MYCBPAP: variants seen among roughly 807,000 people sequenced by gnomAD.
MYCBPAP encodes MYCBP associated protein, also known as MYCBP-associated protein.
Under a neutral mutation model 106.1 loss-of-function variants are expected in MYCBPAP, and 60 were observed. That is an observed-to-expected ratio of 0.57 (90% CI 0.46 to 0.70). MYCBPAP has a LOEUF of 0.70. Ranked by LOEUF, MYCBPAP falls within the 30% of genes least tolerant of loss-of-function variation. The pLI is 0.00. For synonymous variants in MYCBPAP, 407 were observed against 440.6 expected (o/e 0.92, Z 0.95); for missense variants, 1,064 against 1,169.3 (o/e 0.91, Z 1.31).
At chr17:50,529,731 G>A (rs761072304) in intron 18 of MYCBPAP, 1 of 456,238 alleles carries the variant, frequency 2.2e-6, no homozygotes, top group Non-Finnish European at 4.4e-6. Flanking sequence ...GAACAGAGAG[G>A]AAGGAAGCCC....
chr17:50,509,058 C>G (rs1229117779), intron 1 of MYCBPAP: 1 of 702,762 alleles, frequency 1.4e-6, no homozygotes, highest in Non-Finnish European at 2.6e-6. Flanking sequence ...ATGCAGGAGG[C>G]AGGATCCCCG....
At chr17:50,521,252 A>C in intron 8 of MYCBPAP, 27 bp downstream of exon 8, 1 of 1,601,814 alleles carries the variant, frequency 6.2e-7, no homozygotes. Flanking sequence ...TGCCCCAGTC[A>C]GAAGCCCCTT....
Position 50,519,214 on chromosome 17 carries a change from T to G in MYCBPAP, c.768+125T>G. ...AGCTGGGGAGAAAAAACCTATCCAT[T>G]GCAAAACATCATTAGGCCCTCAAGG... On this transcript the variant is annotated intron_variant, in intron 6 of 18. Transcript: ENST00000323776. 5 of 656,906 alleles carry G rather than the reference T, an allele frequency of 7.6e-6. No individual in the cohort carries two copies. In the East Asian group the frequency reaches 1.4e-4, roughly 18 times the overall value. The allele number at this position is 656,906 out of a possible 1,614,324, so 40.7% of individuals were successfully genotyped here.
At position 50,521,234 on chromosome 17, in the gene MYCBPAP, G is replaced by A. The variant is rs1238925806; in HGVS notation, c.1032+9G>A. 1.9e-6 allele frequency: 3 copies of A among 1,607,772 alleles called. No individual in the cohort carries two copies. Among genetic ancestry groups the A allele is most frequent in the East Asian group, 2.2e-5 (1 of 44,788 alleles). On this transcript the variant is annotated intron_variant, in intron 8 of 18. Coordinates refer to ENST00000323776, the MANE Select transcript of MYCBPAP (RefSeq NM_032133.6). ...TGGATTTCAGCCAGCAGGTTGGTAT[G>A]GCCTCCATGCCCCAGTCAGAAGCCC... is the stretch of plus-strand genomic sequence containing the variant.
chr17:50,521,931 GT>G, intron 9 of MYCBPAP, 41 bp from the exon 10 acceptor site: 1 of 1,580,978 alleles, frequency 6.3e-7, no homozygotes, highest in Non-Finnish European at 8.7e-7. Flanking sequence ...TGGCATGACT[GT>G]GGCAGCCTAA....
chr17:50,523,099 T>G lies in MYCBPAP; in HGVS notation c.1418T>G (p.Met473Arg). 1 of 1,613,920 alleles carries G rather than the reference T, an allele frequency of 6.2e-7. No homozygotes were observed. The highest frequency in any genetic ancestry group is 1.1e-5 in the South Asian group (1 of 91,074). Residue 473 changes from methionine to arginine, a missense_variant, in exon 11 of 19, where the codon ATG becomes AGG. Met to Arg is a moderately conservative substitution (Grantham distance 91). Coordinates refer to ENST00000323776, the MANE Select transcript of MYCBPAP (RefSeq NM_032133.6). ...TTCCAAGACCTTAAGAAAAACAGGA[T>G]GCAGCGATTTTACTTTGACAACCGG... ...DTFQDLKKNRMQRFYFDNREG... is the reference protein window; with the variant it reads ...DTFQDLKKNRRQRFYFDNREG...
Position 50,518,706 on chromosome 17 carries a change from C to A in MYCBPAP, c.634C>A (p.Gln212Lys). The change falls in exon 5 of 19, where the codon CAG becomes AAG. Residue 212 changes from glutamine (Q) to lysine (K), a missense_variant. Coordinates refer to ENST00000323776, the MANE Select transcript of MYCBPAP (RefSeq NM_032133.6). ...GCGTAACACAGCCCTGCGGAAGAAGCAGCAGGAAGCCCTCAGCGGTGAGCA... is the reference window on the plus strand; with the variant it reads ...GCGTAACACAGCCCTGCGGAAGAAGAAGCAGGAAGCCCTCAGCGGTGAGCA... ...WQRNTALRKK[Q>K]QEALSEHLKK... The A allele has an allele frequency of 6.3e-7, 1 of 1,588,238 alleles. No homozygotes were observed. The highest frequency in any genetic ancestry group is 1.2e-5 in the South Asian group (1 of 86,932).
chr17:50,523,736 G>A lies in MYCBPAP; in HGVS notation c.1587G>A (p.Ala529=), dbSNP rs185427133. Reference sequence around the variant, plus strand: ...CTATACTGCAGGTCAATCTCCACGCGGTCTCCCTGACCCAGGACGTTTTTG... The same window carrying A: ...CTATACTGCAGGTCAATCTCCACGCAGTCTCCCTGACCCAGGACGTTTTTG... The part of the protein sequence containing the change: ...GGAILQVNLH[A]VSLTQDVFED... Residue 529 remains alanine (A), a synonymous_variant, in exon 12 of 19, where the codon GCG becomes GCA. Transcript: ENST00000323776. 41 of 1,614,108 alleles carry A rather than the reference G, an allele frequency of 2.5e-5. No individual in the cohort carries two copies. In the East Asian group the frequency reaches 4.2e-4, roughly 17 times the overall value.
intron 1 of MYCBPAP, among the ~76,000 whole-genome samples, chr17:50,511,427 C>T (rs972979991): frequency 2.6e-4 from 39 of 152,070 alleles, no homozygotes; most frequent in Non-Finnish European, 1.0e-4. Context: ...ACAGCCCCTC[C>T]ATGGTTCCCC....
intron 7 of MYCBPAP, chr17:50,520,867 G>A (rs1168621187): frequency 2.1e-6 from 1 of 482,206 alleles, no homozygotes; most frequent in Non-Finnish European, 3.8e-6. Context: ...GGTAGCTGCT[G>A]TTATTATTTT....
chr17:50,516,825 A>G (rs2034070824), intron 2 of MYCBPAP, 128 bp downstream of exon 2: 2 of 1,007,064 alleles, frequency 2.0e-6, no homozygotes. Context: ...CCCACTGAAC[A>G]CAGATTCTTT....
At chr17:50,510,441 G>A (rs1240569352) in intron 1 of MYCBPAP, 6 of 139,330 alleles carry the variant, frequency 4.3e-5, no homozygotes, top group Non-Finnish European at 7.7e-5. Context: ...ATATATGTAT[G>A]TATTTTATAT....
chr17:50,518,709 C>T lies in MYCBPAP; in HGVS notation c.637C>T (p.Gln213Ter). ...TAACACAGCCCTGCGGAAGAAGCAG[C>T]AGGAAGCCCTCAGCGGTGAGCAGAG... Reference protein sequence around the residue: ...QRNTALRKKQQEALSEHLKKP... With the variant: ...QRNTALRKKQ The change falls in exon 5 of 19, where the codon CAG (glutamine) becomes TAG (stop). Residue 213 changes from glutamine (Q) to a stop codon, truncating the protein, a stop_gained. Transcript: ENST00000323776. LOFTEE classifies it high-confidence loss of function. 1 of 1,587,824 alleles carries T rather than the reference C, an allele frequency of 6.3e-7. No individual in the cohort carries two copies. Among genetic ancestry groups the T allele is most frequent in the African/African-American group, 1.4e-5 (1 of 73,344 alleles).
chr17:50,519,312 G>A (rs567857221), intron 6 of MYCBPAP: 5 of 588,794 alleles, frequency 8.5e-6, no homozygotes, highest in South Asian at 2.1e-5. Flanking sequence ...CAAGTTATTA[G>A]AGTAGTCTTA....
rs1440280086 is a variant in MYCBPAP at position 50,523,052 on chromosome 17, A to G, written c.1371A>G (p.Arg457=). 2 of 1,614,012 alleles carry G rather than the reference A, an allele frequency of 1.2e-6. No homozygotes were observed. The highest frequency in any genetic ancestry group is 2.7e-5 in the African/African-American group (2 of 74,906). ...CCGTGGCCATTTGGTATGACTGGCG[A>G]CGGCAGCACCAGCCGGACACTTTCC... ...NGTVAIWYDW[R]RQHQPDTFQD... is the part of the protein sequence containing the mutation. The change falls in exon 11 of 19, where the codon CGA becomes CGG. Residue 457 remains arginine, a synonymous_variant. Coordinates refer to ENST00000323776, the MANE Select transcript of MYCBPAP (RefSeq NM_032133.6).
chr17:50,531,302 C>T, intron 18 of MYCBPAP, 25 bp from the exon 19 acceptor site: 1 of 1,554,544 alleles, frequency 6.4e-7, no homozygotes, highest in Non-Finnish European at 8.8e-7. Flanking sequence ...TAAACTCTGC[C>T]TGTGATGTTG....
At chr17:50,507,888 G>A (rs2033674979), upstream of MYCBPAP, among the ~76,000 whole-genome samples, 1 of 152,136 alleles carries the variant, frequency 6.6e-6, no homozygotes, top group Non-Finnish European at 1.5e-5. Flanking sequence ...GGGCTCCAGG[G>A]GAAGGCGAAA....
chr17:50,509,536 CTGTGTGTGTGTGTGTG>C (rs71353648), intron 1 of MYCBPAP: 9 of 151,074 alleles, frequency 6.0e-5, no homozygotes, highest in Non-Finnish European at 1.1e-4. Flanking sequence ...CTTTTTTTTT[CTGTGTGTGTGTGTGTG>C]TGTGTGTGTG....
At chr17:50,529,504 TGG>T in intron 18 of MYCBPAP, 1 of 377,080 alleles carries the variant, frequency 2.7e-6, no homozygotes, top group South Asian at 2.2e-5. Context: ...GCTCCAGGCA[TGG>T]GGAGCAACTG....
Sources: allele counts gnomAD v4.1 joint callset (sites outside exome capture counted in the v4.1 genomes callset), GRCh38; gene constraint gnomAD v4.1.1; transcripts MANE v1.5; gene names NCBI Gene and HGNC (gene_info 2026-07-23, HGNC 2026-07-21).